Variants in ADGRG6 observed in about 807,000 individuals in gnomAD.
The protein encoded by ADGRG6 is adhesion G protein-coupled receptor G6, also known as G-protein coupled receptor 126.
Under a neutral mutation model 142.4 loss-of-function variants are expected in ADGRG6, and 84 were observed. The ratio of observed to expected loss-of-function variants is 0.59; its 90% CI spans 0.49 to 0.71. The LOEUF (loss-of-function observed/expected upper bound fraction) is 0.71. ADGRG6 is among the 30% of genes least tolerant of loss of function. The probability of loss-of-function intolerance (pLI) is 0.00; values close to 1 mark genes in which losing one functional copy is unlikely to be tolerated. For missense variants in ADGRG6, 1,367 were observed against 1,466.6 expected (o/e 0.93, Z 1.11); for synonymous variants, 521 against 520.5 (o/e 1.00, Z -0.01).
At chr6:142,335,075 T>C (rs1260171583) in intron 2 of ADGRG6, among the ~76,000 whole-genome samples, 2 of 152,122 alleles carry the variant, frequency 1.3e-5, no homozygotes. Flanking sequence ...CAGAGTGCAG[T>C]AGTAAGAAAG....
intron 4 of ADGRG6, among the ~76,000 whole-genome samples, chr6:142,376,913 G>A (rs538056745): frequency 6.6e-6 from 1 of 152,244 alleles, no homozygotes; most frequent in African/African-American, 2.4e-5. Context: ...TCATTAAGTA[G>A]GTATGAGAGG....
chr6:142,331,154 C>T (rs916207033), intron 2 of ADGRG6, among the ~76,000 whole-genome samples: 3 of 151,430 alleles, frequency 2.0e-5, no homozygotes, highest in Non-Finnish European at 4.4e-5. Context: ...AAAAAACTAT[C>T]AAACTAGTGT....
chr6:142,392,859 A>G (rs570244326), intron 7 of ADGRG6, 89 bp from the exon 8 acceptor site: 6 of 840,206 alleles, frequency 7.1e-6, no homozygotes, highest in Non-Finnish European at 1.2e-5. Context: ...GTCTTATCTC[A>G]GTAACAACTT....
chr6:142,338,013 C>CTTTCTTTT (rs1779405902), intron 2 of ADGRG6, among the ~76,000 whole-genome samples: 1 of 26,078 alleles, frequency 3.8e-5, no homozygotes, highest in Admixed American at 4.7e-4. Flanking sequence ...TGCCTTGTAT[C>CTTTCTTTT]TTTGTTTTTT....
chr6:142,420,249 G>A (rs1776596492), intron 22 of ADGRG6, 145 bp downstream of exon 22: 5 of 673,798 alleles, frequency 7.4e-6, no homozygotes, highest in African/African-American at 1.8e-5. Context: ...GTGGTCACTT[G>A]TTAAAAGGGT....
intron 1 of ADGRG6, 178 bp downstream of exon 1, chr6:142,302,509 T>G (rs1351972159): frequency 1.7e-6 from 1 of 593,512 alleles, no homozygotes; most frequent in African/African-American, 1.9e-5. Flanking sequence ...GGAGTAGGAC[T>G]ATTGCCAAGT....
chr6:142,408,589 G>A (rs1371128224), intron 16 of ADGRG6, among the ~76,000 whole-genome samples: 1 of 152,088 alleles, frequency 6.6e-6, no homozygotes, highest in Non-Finnish European at 1.5e-5. Flanking sequence ...TGCCAATAGA[G>A]GTTTTGGTTG....
chr6:142,428,153 T>C (rs756074488), intron 22 of ADGRG6, among the ~76,000 whole-genome samples: 1 of 152,238 alleles, frequency 6.6e-6, no homozygotes, highest in East Asian at 1.9e-4. Flanking sequence ...TAAACACATA[T>C]ACATGTGTAA....
rs1190864913 is a variant in ADGRG6, at chr6:142,444,446, T to C, written c.*931T>C. On this transcript the variant is annotated 3_prime_UTR_variant, in exon 25 of 25. Transcript: ENST00000367609. ...TAAGACTCTCTGGTTCTGTCCTTGC[T>C]TTGGAGACTTTAAGACATTTCCTAA... 2 of 152,236 alleles carry C rather than the reference T, an allele frequency of 1.3e-5. No homozygotes were observed. The highest frequency in any genetic ancestry group is 4.8e-5 in the African/African-American group (2 of 41,464). 9.4% of individuals were successfully genotyped at this position (152,236 alleles called of 1,614,324 possible).
chr6:142,344,538 A>C (rs989037738), intron 2 of ADGRG6, among the ~76,000 whole-genome samples: 2 of 152,044 alleles, frequency 1.3e-5, no homozygotes, highest in Admixed American at 1.3e-4. Context: ...GATTTCTAGG[A>C]TTTAAGGGAG....
At chr6:142,423,617 T>TTG (rs1273176464) in intron 22 of ADGRG6, among the ~76,000 whole-genome samples, 1 of 142,852 alleles carries the variant, frequency 7.0e-6, no homozygotes, top group Non-Finnish European at 1.5e-5. Context: ...GCCTCCAGCT[T>TTG]TGTTCTTTTG....
At chr6:142,432,764 T>C (rs1777274811) in intron 22 of ADGRG6, among the ~76,000 whole-genome samples, 1 of 152,204 alleles carries the variant, frequency 6.6e-6, no homozygotes, top group African/African-American at 2.4e-5. Flanking sequence ...TCAGAATAAT[T>C]CACATTTTAC....
chr6:142,395,502 A>G (rs1342462351), intron 9 of ADGRG6, among the ~76,000 whole-genome samples: 1 of 152,164 alleles, frequency 6.6e-6, no homozygotes. Context: ...ACCTGGTGAT[A>G]CTAAAATCAG....
chr6:142,391,789 T>C (rs542910706), intron 7 of ADGRG6, among the ~76,000 whole-genome samples: 6 of 151,956 alleles, frequency 3.9e-5, no homozygotes, highest in African/African-American at 1.4e-4. Flanking sequence ...AGTTGTTCTT[T>C]TTGTTTAAAG....
At chr6:142,360,495 A>G (rs1449168687) in intron 2 of ADGRG6, among the ~76,000 whole-genome samples, 1 of 152,174 alleles carries the variant, frequency 6.6e-6, no homozygotes, top group African/African-American at 2.4e-5. Context: ...AGCAGCAGGT[A>G]TAATAAGAAT....
intron 16 of ADGRG6, among the ~76,000 whole-genome samples, 165 bp from the exon 17 acceptor site, chr6:142,409,709 G>A (rs1487402348): frequency 6.6e-6 from 1 of 152,076 alleles, no homozygotes; most frequent in Non-Finnish European, 1.5e-5. Context: ...AAGTCTCTAT[G>A]GGAGAGAAGA....
intron 2 of ADGRG6, among the ~76,000 whole-genome samples, chr6:142,323,486 C>G (rs1419799512): frequency 6.6e-6 from 1 of 152,002 alleles, no homozygotes; most frequent in Non-Finnish European, 1.5e-5. Flanking sequence ...GTTACACAGC[C>G]AAGTGCCACA....
intron 2 of ADGRG6, among the ~76,000 whole-genome samples, chr6:142,363,089 T>C (rs1207285006): frequency 6.6e-6 from 1 of 152,188 alleles, no homozygotes; most frequent in Non-Finnish European, 1.5e-5. Context: ...ATTTTATATA[T>C]GTTCAAATAG....
chr6:142,317,178 C>G (rs149189817), intron 2 of ADGRG6, among the ~76,000 whole-genome samples: 1 of 152,220 alleles, frequency 6.6e-6, no homozygotes, highest in East Asian at 1.9e-4. Flanking sequence ...TTGGTTAGGA[C>G]TCTTATTACT....
Sources: allele counts gnomAD v4.1 joint callset (sites outside exome capture counted in the v4.1 genomes callset), GRCh38; gene constraint gnomAD v4.1.1; transcripts MANE v1.5; gene names NCBI Gene and HGNC (gene_info 2026-07-23, HGNC 2026-07-21).